The following PRELID2 variants were observed in gnomAD, a reference collection of about 807,000 sequenced individuals.
PRELID2 encodes PRELI domain-containing protein 2.
PRELID2 carries 25 observed loss-of-function variants against 28.4 expected under a neutral mutation model. The observed-to-expected ratio is 0.88, with a 90% CI of 0.64 to 1.23. The LOEUF is 1.23. Among genes scored for constraint, PRELID2 ranks in the 50% most tolerant of loss-of-function variants. The pLI is 0.00. For synonymous variants in PRELID2, 76 were observed against 71.6 expected (o/e 1.06, Z -0.31); for missense variants, 201 against 214.4 (o/e 0.94, Z 0.39).
intron 1 of PRELID2, among the ~76,000 whole-genome samples, chr5:145,522,338 T>G (rs571573418): frequency 4.6e-5 from 7 of 152,214 alleles, no homozygotes; most frequent in Admixed American, 2.6e-4. Context: ...TCATACTACA[T>G]GTAGCTTCTG....
chr5:145,715,449 C>A (rs928365017), intron 1 of PRELID2, among the ~76,000 whole-genome samples: 16 of 152,126 alleles, frequency 1.1e-4, no homozygotes, highest in African/African-American at 3.6e-4. Context: ...TCCAATCTTA[C>A]TAAAATCCAT....
At chr5:145,257,965 T>C in the PRELID2 span, among the ~76,000 whole-genome samples, 1 of 152,166 alleles carries the variant, frequency 6.6e-6, no homozygotes, top group Non-Finnish European at 1.5e-5. Context: ...CAGTAAGTTC[T>C]CATGAGATCT....
intron 1 of PRELID2, among the ~76,000 whole-genome samples, chr5:145,713,923 CTA>C (rs896969812): frequency 3.8e-4 from 58 of 151,176 alleles, no homozygotes; most frequent in Non-Finnish European, 1.2e-4. Context: ...AATATGTGTT[CTA>C]TATTCAGTGA....
chr5:145,281,505 T>C, the PRELID2 span, among the ~76,000 whole-genome samples: 1 of 152,308 alleles, frequency 6.6e-6, no homozygotes, highest in South Asian at 2.1e-4. Flanking sequence ...CCTATAGCGC[T>C]AAGATAAAGC....
At chr5:145,678,720 C>T (rs1754871227) in intron 1 of PRELID2, among the ~76,000 whole-genome samples, 1 of 152,058 alleles carries the variant, frequency 6.6e-6, no homozygotes, top group South Asian at 2.1e-4. Context: ...TTTGCTAAGA[C>T]CTTGGGAAAC....
At chr5:145,600,434 A>ATATATATATATATATATATATATATAT (rs1554078383) in intron 1 of PRELID2, among the ~76,000 whole-genome samples, 1 of 120,096 alleles carries the variant, frequency 8.3e-6, no homozygotes, top group African/African-American at 4.1e-5. Context: ...AAAAAAAAAA[A>ATATATATATATATATATATATATATAT]ATATATATAT....
chr5:145,625,545 T>A lies in PRELID2; in HGVS notation n.70+139386A>T, dbSNP rs925749390. ...TGCAGAAAGCAAACAGTCATTTTTT[T>A]AAATTCCAATAAAAATCCAACATCT... On this transcript the variant is annotated intron_variant and non_coding_transcript_variant, in intron 1 of 2. Transcript: ENST00000510259. 3.3e-5 allele frequency among the ~76,000 whole-genome samples: 5 copies of A among 152,300 alleles called. No individual in the cohort carries two copies. In the East Asian group the frequency reaches 7.7e-4, roughly 24 times the overall value.
At chr5:145,354,602 T>A in the PRELID2 span, among the ~76,000 whole-genome samples, 27 of 152,292 alleles carry the variant, frequency 1.8e-4, no homozygotes, top group Non-Finnish European at 2.9e-4. Context: ...ATTTGCTTCC[T>A]GTCTCACCTC....
At chr5:145,738,151 G>T (rs189960640) in intron 1 of PRELID2, among the ~76,000 whole-genome samples, 10 of 152,154 alleles carry the variant, frequency 6.6e-5, no homozygotes, top group Non-Finnish European at 1.3e-4. Flanking sequence ...AGACTGAGTG[G>T]GAACCTTTAT....
intron 5 of PRELID2, chr5:145,794,985 T>C (rs1307987083): frequency 2.6e-5 from 4 of 152,082 alleles, no homozygotes; most frequent in Non-Finnish European, 5.9e-5. Flanking sequence ...AATTTGATAA[T>C]AAGGAACACG....
At chr5:145,494,321 A>C (rs1752291268) in intron 1 of PRELID2, among the ~76,000 whole-genome samples, 1 of 152,224 alleles carries the variant, frequency 6.6e-6, no homozygotes, top group South Asian at 2.1e-4. Flanking sequence ...GCACTAAACA[A>C]GTGTGAAAAT....
intron 1 of PRELID2, among the ~76,000 whole-genome samples, chr5:145,545,449 G>T (rs1343128510): frequency 1.4e-5 from 1 of 72,438 alleles, no homozygotes; most frequent in East Asian, 2.5e-3. Context: ...GGAGTAGAAG[G>T]CAAAAAAAAA....
chr5:145,804,521 G>T (rs1052694598), intron 4 of PRELID2, among the ~76,000 whole-genome samples: 1 of 151,982 alleles, frequency 6.6e-6, no homozygotes. Flanking sequence ...AAAAAGAAAA[G>T]AATTGATTAT....
At chr5:145,634,429 A>T (rs2149660338) in intron 1 of PRELID2, among the ~76,000 whole-genome samples, 1 of 152,276 alleles carries the variant, frequency 6.6e-6, no homozygotes, top group East Asian at 1.9e-4. Context: ...ACAAGTATTG[A>T]ACTAACTTGC....
At chr5:145,386,386 CA>C in the PRELID2 span, among the ~76,000 whole-genome samples, 2 of 152,058 alleles carry the variant, frequency 1.3e-5, no homozygotes, top group Admixed American at 6.6e-5. Flanking sequence ...CAAATCATAT[CA>C]GGGGCAGTTT....
At chr5:145,462,801 G>C in the PRELID2 span, among the ~76,000 whole-genome samples, 2 of 152,216 alleles carry the variant, frequency 1.3e-5, no homozygotes, top group Non-Finnish European at 2.9e-5. Flanking sequence ...CTGAGTTCAA[G>C]TGACTGCTGT....
intron 1 of PRELID2, among the ~76,000 whole-genome samples, chr5:145,652,506 T>G (rs1185135504): frequency 6.6e-6 from 1 of 152,166 alleles, no homozygotes; most frequent in Non-Finnish European, 1.5e-5. Flanking sequence ...GAGAGAAAGG[T>G]CGGGTTACCC....
At position 145,672,725 on chromosome 5, in the gene PRELID2, G is replaced by A. The variant is rs944558752; in HGVS notation, n.70+92206C>T. Reference sequence around the variant, plus strand: ...TCATCTCAAAACATAAAGGCCCTGAGCAATAAAAGATCCAATAAAAACACA... The same window carrying A: ...TCATCTCAAAACATAAAGGCCCTGAACAATAAAAGATCCAATAAAAACACA... On this transcript the variant is annotated intron_variant and non_coding_transcript_variant, in intron 1 of 2. Transcript: ENST00000510259. 2.6e-5 allele frequency among the ~76,000 whole-genome samples: 4 copies of A among 151,958 alleles called. No homozygotes were observed. The South Asian group carries it at 8.3e-4, about 32-fold the overall frequency.
At chr5:145,738,934 A>C (rs1264692430) in intron 1 of PRELID2, among the ~76,000 whole-genome samples, 1 of 152,214 alleles carries the variant, frequency 6.6e-6, no homozygotes, top group Non-Finnish European at 1.5e-5. Context: ...AATCTTAAAA[A>C]ACTGTGAGAG....
Sources: gnomAD v4.1 joint callset for allele counts (sites outside exome capture counted in the v4.1 genomes callset) on GRCh38, gnomAD v4.1.1 for gene constraint, MANE v1.5 for transcripts, NCBI Gene and HGNC (gene_info 2026-07-23, HGNC 2026-07-21) for gene names.